The following KIF13A variants were observed in gnomAD, a reference collection of about 807,000 sequenced individuals.
The protein encoded by KIF13A is kinesin family member 13A.
Under a neutral mutation model 212.2 loss-of-function variants are expected in KIF13A, and 79 were observed. That is an observed-to-expected ratio of 0.37 (90% CI 0.31 to 0.45). KIF13A has a LOEUF of 0.45. KIF13A is among the 20% of genes least tolerant of loss of function. The pLI is 1.00. For synonymous variants in KIF13A, 789 were observed against 808.6 expected (o/e 0.98, Z 0.41); for missense variants, 1,901 against 2,209.0 (o/e 0.86, Z 2.79).
Position 17,837,542 on chromosome 6 carries a change from T to A in KIF13A, c.872A>T (p.Asp291Val). The change falls in exon 10 of 39, where the codon GAC becomes GTC. Residue 291 changes from aspartate (D) to valine (V), a missense_variant. By Grantham distance (152) the Asp-to-Val change is radical. Transcript: ENST00000259711. The surrounding 1 kb of genome is among the most constrained non-coding windows in gnomAD (Gnocchi z 5.4). ...TLGLVISSLA[D>V]QAAGKGKSKF... ...GCTTTTACCCTTGCCAGCTGCCTGG[T>A]CAGCCAGTGATGATATAACCAACCC... The A allele has an allele frequency of 6.2e-7, 1 of 1,609,590 alleles. No homozygotes were observed. Among genetic ancestry groups the A allele is most frequent in the Admixed American group, 1.7e-5 (1 of 59,424 alleles).
chr6:17,869,853 TGA>T (rs1769839575), intron 4 of KIF13A, among the ~76,000 whole-genome samples: 1 of 152,222 alleles, frequency 6.6e-6, no homozygotes, highest in South Asian at 2.1e-4. Context: ...AGAGCGGCTT[TGA>T]GAGTCCTGAT....
chr6:17,769,228 G>T lies in KIF13A; in HGVS notation c.4581+1886C>A, dbSNP rs574454472. On this transcript the variant is annotated intron_variant, in intron 38 of 38. Coordinates refer to ENST00000259711, the MANE Select transcript of KIF13A (RefSeq NM_022113.6). This position sits in a 1 kb window ranked among gnomAD's most constrained non-coding sequence, Gnocchi z 5.8. ...TTCCCAAAGAGAAACAAGAACCTCA[G>T]GTCAAACAAATAATGCACTTAATCT... Among the ~76,000 whole-genome samples the T allele has an allele frequency of 3.9e-5, 6 of 152,270 alleles. 1 individual carries two copies. In the South Asian group the frequency reaches 1.2e-3, roughly 32 times the overall value.
At chr6:17,824,388 A>G (rs1764751321) in intron 16 of KIF13A, among the ~76,000 whole-genome samples, 1 of 152,214 alleles carries the variant, frequency 6.6e-6, no homozygotes, top group South Asian at 2.1e-4. Context: ...ACAATTCTCT[A>G]TGCTCAAATT....
intron 4 of KIF13A, among the ~76,000 whole-genome samples, chr6:17,857,789 G>A (rs979272629): frequency 6.6e-6 from 1 of 152,156 alleles, no homozygotes; most frequent in African/African-American, 2.4e-5. Flanking sequence ...CTGACCCACT[G>A]TGAAGCATCT....
In KIF13A at chr6:17,838,248, G is replaced by A. The variant is rs1427338783; in HGVS notation, c.831-665C>T. Among the ~76,000 whole-genome samples the A allele has an allele frequency of 6.6e-6, 1 of 151,796 alleles. No individual in the cohort carries two copies. The highest frequency in any genetic ancestry group is 1.5e-5 in the Non-Finnish European group (1 of 67,992). On this transcript the variant is annotated intron_variant, in intron 9 of 38. Transcript: ENST00000259711. The surrounding 1 kb of genome is among the most constrained non-coding windows in gnomAD (Gnocchi z 4.2). ...AGGCAGGAAAATTGCTTGAACCCGGGAGGCGGAGGCTGCAGTGAGCCAAGA... is the reference window on the plus strand; with the variant it reads ...AGGCAGGAAAATTGCTTGAACCCGGAAGGCGGAGGCTGCAGTGAGCCAAGA...
At position 17,856,867 on chromosome 6, in the gene KIF13A, T is replaced by C. The variant is rs973055828; in HGVS notation, c.221-745A>G. ...CACTAAGACAATTAGACTTATGTTC[T>C]CCTTCCTGTCTTCTTATAGTCCTTA... On this transcript the variant is annotated intron_variant, in intron 4 of 38. Transcript: ENST00000259711. This position sits in a 1 kb window ranked among gnomAD's most constrained non-coding sequence, Gnocchi z 4.5. Among the ~76,000 whole-genome samples the C allele has an allele frequency of 6.6e-6, 1 of 152,206 alleles. No homozygotes were observed. The highest frequency in any genetic ancestry group is 1.5e-5 in the Non-Finnish European group (1 of 68,036).
intron 22 of KIF13A, among the ~76,000 whole-genome samples, chr6:17,797,033 CT>C (rs557807997): frequency 1.9e-4 from 27 of 145,668 alleles, no homozygotes; most frequent in South Asian, 2.2e-4. Context: ...CCGTTTCTTT[CT>C]TTTTTTTTTT....
chr6:17,924,576 T>C (rs1775337977), intron 2 of KIF13A, among the ~76,000 whole-genome samples: 1 of 152,232 alleles, frequency 6.6e-6, no homozygotes, highest in South Asian at 2.1e-4. Context: ...ACAAAACTTC[T>C]ACTGGGGGAA....
chr6:17,858,116 TGCACGCATGTGTGTGTGTGTGTGTGA>T (rs1768334869), intron 4 of KIF13A, among the ~76,000 whole-genome samples: 2 of 134,468 alleles, frequency 1.5e-5, no homozygotes, highest in Non-Finnish European at 3.4e-5. Context: ...TGTGTGTGCA[TGCACGCATGTGTGTGTGTGTGTGTGA>T]GAGAGAGAGA....
intron 2 of KIF13A, chr6:17,953,704 C>T (rs1581839339): frequency 5.4e-6 from 1 of 183,704 alleles, no homozygotes; most frequent in East Asian, 1.2e-4. Flanking sequence ...TGTTTGCACC[C>T]AACTACGATG....
At chr6:17,760,022 T>C (rs1202609704), downstream of KIF13A, 1 of 152,210 alleles carries the variant, frequency 6.6e-6, no homozygotes, top group African/African-American at 2.4e-5. Flanking sequence ...CAATGTCAAG[T>C]CAGCAGGTGG....
rs200447171 is a variant in KIF13A, at chr6:17,764,164, C to A, written c.5364G>T (p.Glu1788Asp). ...HHPSQLHSKL[E>D]NDQVIIPEAA... ...CCTCTGGAATTATTACCTGGTCATT[C>A]TCTAACTTGGAATGCAGCTGGCTGG... The change falls in exon 39 of 39, where the codon GAG becomes GAT. Residue 1788 changes from glutamate (E) to aspartate (D), a missense_variant. By Grantham distance (45) the Glu-to-Asp change is conservative. Coordinates refer to ENST00000259711, the MANE Select transcript of KIF13A (RefSeq NM_022113.6). This position sits in a 1 kb window ranked among gnomAD's most constrained non-coding sequence, Gnocchi z 5.1. The A allele has an allele frequency of 8.0e-4, 1,299 of 1,613,894 alleles. 2 individuals carry two copies. The highest frequency in any genetic ancestry group is 1.1e-3 in the Non-Finnish European group (1,253 of 1,179,910).
intron 12 of KIF13A, among the ~76,000 whole-genome samples, chr6:17,832,304 A>G (rs1222068875): frequency 6.6e-6 from 1 of 152,208 alleles, no homozygotes; most frequent in African/African-American, 2.4e-5. Context: ...ATAAACATAC[A>G]GCATTTCCTA....
At chr6:17,970,280 A>G (rs1779699603) in intron 2 of KIF13A, among the ~76,000 whole-genome samples, 1 of 152,108 alleles carries the variant, frequency 6.6e-6, no homozygotes, top group Non-Finnish European at 1.5e-5. Flanking sequence ...TGATCCATTT[A>G]TTCAATTTAA....
At chr6:17,845,791 C>A (rs1766969030) in intron 9 of KIF13A, among the ~76,000 whole-genome samples, 1 of 152,220 alleles carries the variant, frequency 6.6e-6, no homozygotes, top group African/African-American at 2.4e-5. Flanking sequence ...TGAACACTCC[C>A]TGGCAGTAGG....
At chr6:17,863,418 C>A (rs1417330017) in intron 4 of KIF13A, among the ~76,000 whole-genome samples, 4 of 151,222 alleles carry the variant, frequency 2.6e-5, no homozygotes, top group Non-Finnish European at 5.9e-5. Context: ...AAAAAAAAAC[C>A]CAATATAAAA....
chr6:17,987,417 T>C lies in KIF13A; in HGVS notation c.47A>G (p.Asn16Ser). The change falls in exon 1 of 39, where the codon AAC becomes AGC. Residue 16 changes from asparagine (N) to serine (S), a missense_variant. Physicochemically the swap from Asn to Ser is conservative, Grantham distance 46. Around this residue, in one of 5 missense-constraint regions of KIF13A, gnomAD observed 506 missense variants for 637.4 expected, o/e 0.79. Transcript: ENST00000259711. The surrounding 1 kb of genome is among the most constrained non-coding windows in gnomAD (Gnocchi z 7.7). ...AGCGGAAAGCTCCTCACCTCGTCGG[T>C]TCATGGGCCGGACCCGGACGGCAAC... ...VKVAVRVRPM[N>S]RRELELNTKC... The C allele has an allele frequency of 7.3e-7, 1 of 1,364,974 alleles. No homozygotes were observed. Among genetic ancestry groups the C allele is most frequent in the Admixed American group, 2.1e-5 (1 of 46,792 alleles). 84.6% of individuals were successfully genotyped at this position (1,364,974 alleles called of 1,614,324 possible).
intron 2 of KIF13A, among the ~76,000 whole-genome samples, chr6:17,957,272 T>C (rs778898356): frequency 1.3e-5 from 2 of 152,072 alleles, no homozygotes; most frequent in African/African-American, 2.4e-5. Context: ...AGCTTCCAGA[T>C]CACTGAGCAC....
At chr6:17,873,529 G>A in intron 3 of KIF13A, 92 bp from the exon 4 acceptor site, 1 of 849,618 alleles carries the variant, frequency 1.2e-6, no homozygotes, top group African/African-American at 1.7e-5. Context: ...AGATGAGAAG[G>A]ATGGCCACTA....
Sources: allele counts gnomAD v4.1 joint callset (sites outside exome capture counted in the v4.1 genomes callset), GRCh38; gene constraint gnomAD v4.1.1; regional missense constraint gnomAD v4.1.1; non-coding constraint Gnocchi (gnomAD v3.1); transcripts MANE v1.5; gene names NCBI Gene and HGNC (gene_info 2026-07-23, HGNC 2026-07-21).